Variants in CHSY1 observed in about 807,000 individuals in gnomAD.
The protein encoded by CHSY1 is N-acetylgalactosaminyl-proteoglycan 3-beta-glucuronosyltransferase 1.
Under a neutral mutation model 59.8 loss-of-function variants are expected in CHSY1, and 13 were observed. The observed-to-expected ratio is 0.22, with a 90% CI of 0.14 to 0.35. The LOEUF is 0.35. CHSY1 is among the 10% of genes least tolerant of loss of function. CHSY1 has a pLI of 1.00. For missense variants in CHSY1, 947 were observed against 1,030.6 expected (o/e 0.92, Z 1.11); for synonymous variants, 459 against 401.2 (o/e 1.14, Z -1.72).
At chr15:101,228,588 A>T (rs530707240) in intron 2 of CHSY1, among the ~76,000 whole-genome samples, 79 of 152,238 alleles carry the variant, frequency 5.2e-4, no homozygotes, top group Non-Finnish European at 9.6e-4. Context: ...AAGATTGGCA[A>T]CTAAGAATTC....
chr15:101,188,970 G>A (rs1418431148), intron 2 of CHSY1, among the ~76,000 whole-genome samples: 2 of 152,180 alleles, frequency 1.3e-5, no homozygotes, highest in African/African-American at 4.8e-5. Context: ...AGTGGCAGAC[G>A]TGGCAGCATG....
intron 1 of CHSY1, among the ~76,000 whole-genome samples, chr15:101,237,916 T>C (rs1174468485): frequency 2.0e-5 from 3 of 152,258 alleles, no homozygotes; most frequent in African/African-American, 7.2e-5. Flanking sequence ...AGTGTATTTA[T>C]TATAGTGAAA....
In CHSY1 at chr15:101,233,971, CT is replaced by C. The variant is rs561278977; in HGVS notation, c.816+1110del. 8.5e-4 allele frequency among the ~76,000 whole-genome samples: 129 copies of C among 152,348 alleles called. 1 individual carries two copies. Among genetic ancestry groups the C allele is most frequent in the Admixed American group, 1.5e-3 (23 of 15,300 alleles). ...TGGGCAAAAGATCTAGCAATTACCTCTGCTCCTCACAACTGCCAGGAGTTTA... is the reference window on the plus strand; with the variant it reads ...TGGGCAAAAGATCTAGCAATTACCTCGCTCCTCACAACTGCCAGGAGTTTA... On this transcript the variant is annotated intron_variant, in intron 2 of 2. Transcript: ENST00000254190.
chr15:101,223,505 T>C (rs1313401747), intron 2 of CHSY1, among the ~76,000 whole-genome samples: 1 of 152,218 alleles, frequency 6.6e-6, no homozygotes, highest in Non-Finnish European at 1.5e-5. Flanking sequence ...AGTCCTTTGT[T>C]TTCATCATCT....
In CHSY1 at chr15:101,251,725, C is replaced by A. The variant is rs2039117587; in HGVS notation, c.-269G>T. 6.7e-6 allele frequency: 1 copy of A among 148,388 alleles called. No homozygotes were observed. The highest frequency in any genetic ancestry group is 1.5e-5 in the Non-Finnish European group (1 of 66,646). The allele number at this position is 148,388 out of a possible 1,614,324, so 9.2% of individuals were successfully genotyped here. A position where few individuals can be genotyped will look rare whatever the true frequency, so the allele number is the denominator to read the frequency against. ...CGGCGCGCGCTAGCGGCGGCTCGGG[C>A]GCGAGGTGGCGGCGGCTCCTCCCGC... On this transcript the variant is annotated 5_prime_UTR_variant, in exon 1 of 3. Coordinates refer to ENST00000254190, the MANE Select transcript of CHSY1 (RefSeq NM_014918.5).
intron 1 of CHSY1, among the ~76,000 whole-genome samples, chr15:101,246,562 G>A (rs181078293): frequency 3.3e-5 from 5 of 152,134 alleles, no homozygotes; most frequent in Admixed American, 2.0e-4. Flanking sequence ...AAAGTTCAAC[G>A]GAACAAAACA....
At chr15:101,211,437 A>G (rs2038681971) in intron 2 of CHSY1, among the ~76,000 whole-genome samples, 1 of 152,222 alleles carries the variant, frequency 6.6e-6, no homozygotes, top group Admixed American at 6.5e-5. Flanking sequence ...AGAGTGAAAA[A>G]GAATACTGAA....
intron 2 of CHSY1, among the ~76,000 whole-genome samples, chr15:101,231,909 A>G (rs983758927): frequency 2.0e-5 from 3 of 152,232 alleles, no homozygotes; most frequent in Admixed American, 2.0e-4. Context: ...ACCATGTGGC[A>G]AGGGGAGCCA....
At chr15:101,184,638 C>T (rs1214123234) in intron 2 of CHSY1, among the ~76,000 whole-genome samples, 3 of 152,004 alleles carry the variant, frequency 2.0e-5, no homozygotes, top group South Asian at 2.1e-4. Flanking sequence ...ACGTGAGCCA[C>T]CCAGCCCGGC....
chr15:101,216,266 G>A (rs1333983298), intron 2 of CHSY1, among the ~76,000 whole-genome samples: 3 of 152,206 alleles, frequency 2.0e-5, no homozygotes, highest in Non-Finnish European at 1.5e-5. Context: ...AGGATGCAAA[G>A]CAGAAGGAGC....
intron 2 of CHSY1, among the ~76,000 whole-genome samples, chr15:101,216,354 A>G (rs1026118501): frequency 2.0e-5 from 3 of 152,236 alleles, no homozygotes; most frequent in Non-Finnish European, 4.4e-5. Context: ...ACAAAGCTAA[A>G]CATAGTCTTA....
intron 1 of CHSY1, among the ~76,000 whole-genome samples, chr15:101,243,030 A>G (rs11638536): frequency 0.098 from 14,916 of 152,274 alleles, 1,004 homozygotes; most frequent in Middle Eastern, 0.17. Flanking sequence ...AGGGGAAAGC[A>G]AGCAGTAAAG....
At chr15:101,241,716 C>T (rs1026921943) in intron 1 of CHSY1, among the ~76,000 whole-genome samples, 1 of 152,080 alleles carries the variant, frequency 6.6e-6, no homozygotes, top group African/African-American at 2.4e-5. Flanking sequence ...GATGGCTACA[C>T]GGCAGTCAGT....
chr15:101,224,256 GC>G (rs1214783536), intron 2 of CHSY1, among the ~76,000 whole-genome samples: 3 of 152,198 alleles, frequency 2.0e-5, no homozygotes, highest in Non-Finnish European at 4.4e-5. Flanking sequence ...ACAACTCATT[GC>G]CAGTAACATG....
intron 2 of CHSY1, among the ~76,000 whole-genome samples, chr15:101,184,405 G>A (rs958763032): frequency 6.7e-6 from 1 of 149,686 alleles, no homozygotes; most frequent in African/African-American, 2.5e-5. Context: ...TTTTGAGACA[G>A]GGTCTCCTTC....
At chr15:101,213,273 C>A (rs1596444419) in intron 2 of CHSY1, among the ~76,000 whole-genome samples, 1 of 147,048 alleles carries the variant, frequency 6.8e-6, no homozygotes, top group East Asian at 2.2e-4. Flanking sequence ...CTTCATTGTG[C>A]TACAGTGTTG....
chr15:101,235,215 C>G lies in CHSY1; in HGVS notation c.683G>C (p.Ser228Thr). 4.3e-6 allele frequency: 7 copies of G among 1,613,984 alleles called. No individual in the cohort carries two copies. The highest frequency in any genetic ancestry group is 5.9e-6 in the Non-Finnish European group (7 of 1,179,874). Residue 228 changes from serine to threonine, a missense_variant, in exon 2 of 3, where the codon AGC (serine) becomes ACC (threonine). This residue lies in a region of CHSY1 where 108 missense variants were observed against 144.4 expected (regional missense o/e 0.75). Coordinates refer to ENST00000254190, the MANE Select transcript of CHSY1 (RefSeq NM_014918.5). Reference sequence around the variant, plus strand: ...CACCATTCTCCGAAGCACCTCCCGGCTCATGATCACGCCAGGCCCCCCCAT... The same window carrying G: ...CACCATTCTCCGAAGCACCTCCCGGGTCATGATCACGCCAGGCCCCCCCAT... ...FCMGGPGVIM[S>T]REVLRRMVPH...
intron 1 of CHSY1, among the ~76,000 whole-genome samples, chr15:101,236,041 G>A (rs1415478727): frequency 1.3e-5 from 2 of 152,142 alleles, no homozygotes; most frequent in Non-Finnish European, 2.9e-5. Context: ...TCACAGAGAG[G>A]ACATCAGGAG....
In CHSY1 at chr15:101,178,380, A is replaced by C. The variant is rs769645531; in HGVS notation, c.1417T>G (p.Leu473Val). 1.9e-6 allele frequency: 3 copies of C among 1,610,758 alleles called. No individual in the cohort carries two copies. The highest frequency in any genetic ancestry group is 2.5e-6 in the Non-Finnish European group (3 of 1,177,210). ...TGGATTTTGCTGAAAGTCTGCTGTA[A>C]ATACGCGTGCCTCCTCACAGGGACC... Reference protein sequence around the residue: ...MTVPVRRHAYLQQTFSKIQFV... With the variant: ...MTVPVRRHAYVQQTFSKIQFV... Residue 473 changes from leucine (L) to valine (V), a missense_variant, in exon 3 of 3, where the codon TTA (leucine) becomes GTA (valine). This residue lies in a region of CHSY1 where 602 missense variants were observed against 676.9 expected (regional missense o/e 0.89). Transcript: ENST00000254190.
Sources: gnomAD v4.1 joint callset for allele counts (sites outside exome capture counted in the v4.1 genomes callset) on GRCh38, gnomAD v4.1.1 for gene constraint, gnomAD v4.1.1 regional missense constraint, MANE v1.5 for transcripts, NCBI Gene and HGNC (gene_info 2026-07-23, HGNC 2026-07-21) for gene names.